Variants in XNDC1N observed in about 807,000 individuals in gnomAD.
The protein encoded by XNDC1N is protein XNDC1N.
At chr11:71,924,605 G>A in the XNDC1N span, among the ~76,000 whole-genome samples, 16 of 152,234 alleles carry the variant, frequency 1.1e-4, no homozygotes, top group East Asian at 1.9e-4. Flanking sequence ...GTGAACCCGG[G>A]AGGTGGAGCT....
At chr11:71,893,127 G>C in the XNDC1N span, among the ~76,000 whole-genome samples, 1 of 152,164 alleles carries the variant, frequency 6.6e-6, no homozygotes, top group African/African-American at 2.4e-5. Context: ...TTTTCTTCAA[G>C]AGAGAAGGAC....
chr11:71,896,975 G>T, the XNDC1N span, among the ~76,000 whole-genome samples: 2 of 152,146 alleles, frequency 1.3e-5, no homozygotes, highest in African/African-American at 2.4e-5. Context: ...AAAGCTCATT[G>T]GTGGAACAGC....
chr11:71,871,627 A>G, the XNDC1N span, among the ~76,000 whole-genome samples: 1 of 152,214 alleles, frequency 6.6e-6, no homozygotes, highest in Non-Finnish European at 1.5e-5. Context: ...ATCACTTTGT[A>G]CCCAATAAAT....
chr11:71,901,468 G>A, the XNDC1N span, among the ~76,000 whole-genome samples: 5 of 151,928 alleles, frequency 3.3e-5, no homozygotes, highest in African/African-American at 7.3e-5. Flanking sequence ...CCGTAGTGGC[G>A]GGCGACTGTC....
the XNDC1N span, among the ~76,000 whole-genome samples, chr11:71,875,888 T>C: frequency 3.9e-5 from 6 of 152,130 alleles, no homozygotes; most frequent in Admixed American, 6.5e-5. Flanking sequence ...TAGTTGGGTG[T>C]GGTGGCACAC....
the XNDC1N span, among the ~76,000 whole-genome samples, chr11:71,866,762 T>TAA: frequency 1.4e-5 from 2 of 141,370 alleles, no homozygotes; most frequent in Admixed American, 7.1e-5. Context: ...AGACTCCATC[T>TAA]AAAAAAAAAA....
chr11:71,913,149 A>G, the XNDC1N span, among the ~76,000 whole-genome samples: 2 of 152,044 alleles, frequency 1.3e-5, no homozygotes, highest in Non-Finnish European at 2.9e-5. Flanking sequence ...CGCTCTGGAT[A>G]TTAGGAACAA....
the XNDC1N span, among the ~76,000 whole-genome samples, chr11:71,919,618 TTTG>T: frequency 1.0e-4 from 2 of 19,412 alleles, no homozygotes; most frequent in Non-Finnish European, 1.4e-4. Context: ...TTTTTTTTTG[TTTG>T]TTTTTTTTTT....
the XNDC1N span, among the ~76,000 whole-genome samples, chr11:71,918,673 T>C: frequency 1.3e-5 from 2 of 152,220 alleles, no homozygotes; most frequent in Admixed American, 1.3e-4. Context: ...AGGAGCGCCA[T>C]TCACATTGTA....
At chr11:71,906,369 C>A in the XNDC1N span, among the ~76,000 whole-genome samples, 1 of 151,518 alleles carries the variant, frequency 6.6e-6, no homozygotes, top group Non-Finnish European at 1.5e-5. Flanking sequence ...TATCACAATG[C>A]CTACACCCCC....
the XNDC1N span, chr11:71,894,544 C>T: frequency 6.4e-6 from 1 of 155,258 alleles, no homozygotes; most frequent in East Asian, 1.9e-4. Flanking sequence ...GTGAATATTG[C>T]TTTCTTCGTT....
the XNDC1N span, among the ~76,000 whole-genome samples, chr11:71,914,086 G>A: frequency 2.6e-5 from 4 of 152,168 alleles, no homozygotes; most frequent in African/African-American, 7.2e-5. Flanking sequence ...GCCTACGAAC[G>A]TAACATCCAT....
chr11:71,917,588 C>A, the XNDC1N span: 1 of 703,664 alleles, frequency 1.4e-6, no homozygotes, highest in Non-Finnish European at 2.6e-6. Flanking sequence ...TCATAAAGAC[C>A]ACCCCCATCT....
At chr11:71,890,920 G>A in the XNDC1N span, among the ~76,000 whole-genome samples, 1 of 151,992 alleles carries the variant, frequency 6.6e-6, no homozygotes, top group African/African-American at 2.4e-5. Context: ...ACATCCCTGC[G>A]ATATTGAGAG....
At chr11:71,924,633 G>A in the XNDC1N span, among the ~76,000 whole-genome samples, 33 of 152,040 alleles carry the variant, frequency 2.2e-4, 1 homozygote, top group East Asian at 5.2e-3. Flanking sequence ...AGCAGAGATC[G>A]TGCCACTGCC....
the XNDC1N span, among the ~76,000 whole-genome samples, chr11:71,878,224 C>G: frequency 6.6e-6 from 1 of 152,210 alleles, no homozygotes; most frequent in Admixed American, 6.5e-5. Context: ...TTTCTACTAC[C>G]TTTGCACACA....
At chr11:71,880,808 AT>A in the XNDC1N span, among the ~76,000 whole-genome samples, 1 of 152,156 alleles carries the variant, frequency 6.6e-6, no homozygotes, top group African/African-American at 2.4e-5. Context: ...TTTCCATGTT[AT>A]CTGTATAGTT....
At chr11:71,882,135 A>T in the XNDC1N span, among the ~76,000 whole-genome samples, 3 of 152,164 alleles carry the variant, frequency 2.0e-5, no homozygotes, top group Non-Finnish European at 4.4e-5. Context: ...ATCTATGGAC[A>T]ACCAAGGATA....
chr11:71,886,208 C>T, the XNDC1N span, among the ~76,000 whole-genome samples: 1 of 152,080 alleles, frequency 6.6e-6, no homozygotes, highest in Non-Finnish European at 1.5e-5. Flanking sequence ...CCGTCCTATA[C>T]CGAAAAGCCA....
Sources: allele counts gnomAD v4.1 joint callset (sites outside exome capture counted in the v4.1 genomes callset), GRCh38; gene constraint gnomAD v4.1.1; transcripts MANE v1.5; gene names NCBI Gene and HGNC (gene_info 2026-07-23, HGNC 2026-07-21).